The following NAV3 variants were observed in gnomAD, a reference collection of about 807,000 sequenced individuals.
NAV3 encodes neuron navigator 3.
A neutral mutation model predicts 244.7 loss-of-function variants in NAV3; 87 were observed. That is an observed-to-expected ratio of 0.36 (90% CI 0.30 to 0.42). The LOEUF (loss-of-function observed/expected upper bound fraction) is 0.42. Among genes scored for constraint, NAV3 ranks in the 20% least tolerant of loss-of-function variants. The pLI is 1.00. For missense variants in NAV3, 2,663 were observed against 2,893.3 expected (o/e 0.92, Z 1.83); for synonymous variants, 1,126 against 1,042.2 (o/e 1.08, Z -1.55).
rs1302793635 is a variant in NAV3, at chr12:77,927,033, TTGAA to T, written c.244-13283_244-13280del. Among the ~76,000 whole-genome samples the T allele has an allele frequency of 5.9e-5, 9 of 152,346 alleles. No individual in the cohort carries two copies. The East Asian group carries it at 1.5e-3, about 26-fold the overall frequency. On this transcript the variant is annotated intron_variant, in intron 1 of 39. Coordinates refer to ENST00000397909, the MANE Select transcript of NAV3 (RefSeq NM_001024383.2). ...TTGGAGGATGGTAGCTGATTTTACT[TTGAA>T]TGTACTTGCACAATTTACATCAATT...
intron 23 of NAV3, among the ~76,000 whole-genome samples, chr12:78,166,661 A>T (rs1957793110): frequency 6.6e-6 from 1 of 151,804 alleles, no homozygotes; most frequent in African/African-American, 2.4e-5. Context: ...TTAGAAAGTG[A>T]TCATTTTTCT....
chr12:78,070,268 A>G (rs1474182030), intron 12 of NAV3, among the ~76,000 whole-genome samples: 4 of 152,112 alleles, frequency 2.6e-5, no homozygotes, highest in Admixed American at 2.6e-4. Flanking sequence ...TAATTCCCAT[A>G]ACAACCTTCT....
intron 12 of NAV3, among the ~76,000 whole-genome samples, chr12:78,093,079 C>T (rs1316071195): frequency 6.6e-6 from 1 of 152,142 alleles, no homozygotes; most frequent in Non-Finnish European, 1.5e-5. Context: ...GACCTGTATG[C>T]ACCTAGCAAA....
intron 2 of NAV3, among the ~76,000 whole-genome samples, chr12:77,625,377 T>G (rs961963497): frequency 6.6e-5 from 10 of 152,142 alleles, no homozygotes; most frequent in Non-Finnish European, 8.8e-5. Flanking sequence ...AAAATATATA[T>G]GAAAATACTT....
chr12:77,580,247 C>G (rs183896071), intron 2 of NAV3, among the ~76,000 whole-genome samples: 2 of 117,152 alleles, frequency 1.7e-5, no homozygotes, highest in Non-Finnish European at 3.9e-5. Flanking sequence ...CACACACACA[C>G]ACACACACAC....
chr12:77,845,740 G>A (rs889892329), intron 1 of NAV3, among the ~76,000 whole-genome samples: 64 of 145,654 alleles, frequency 4.4e-4, no homozygotes, highest in African/African-American at 1.5e-3. Flanking sequence ...TGCAACATCC[G>A]CCTCCTGGGT....
chr12:77,821,611 G>T (rs1872748269), intron 2 of NAV3, among the ~76,000 whole-genome samples: 1 of 152,058 alleles, frequency 6.6e-6, no homozygotes, highest in Admixed American at 6.6e-5. Flanking sequence ...TGAATGGCTT[G>T]GCTTTGGTGT....
At chr12:78,029,473 A>C (rs999669883) in intron 9 of NAV3, among the ~76,000 whole-genome samples, 7 of 152,318 alleles carry the variant, frequency 4.6e-5, no homozygotes, top group Admixed American at 4.6e-4. Flanking sequence ...CCAGTTGATA[A>C]AAATCAGAGA....
chr12:77,867,586 A>T (rs936096604), intron 1 of NAV3, among the ~76,000 whole-genome samples: 1 of 151,940 alleles, frequency 6.6e-6, no homozygotes, highest in East Asian at 1.9e-4. Context: ...CGCCCGGCTA[A>T]TTTTTTTGCA....
At chr12:78,057,500 A>G (rs1301738538) in intron 11 of NAV3, among the ~76,000 whole-genome samples, 2 of 152,176 alleles carry the variant, frequency 1.3e-5, no homozygotes, top group Non-Finnish European at 2.9e-5. Flanking sequence ...ACAGATTCCT[A>G]ATCTTAATGC....
chr12:77,948,052 A>T (rs1890525740), intron 3 of NAV3, among the ~76,000 whole-genome samples: 1 of 151,838 alleles, frequency 6.6e-6, no homozygotes, highest in Non-Finnish European at 1.5e-5. Context: ...GTCAATTGGA[A>T]CTCTGATTTG....
intron 9 of NAV3, among the ~76,000 whole-genome samples, chr12:78,023,291 T>C (rs920643267): frequency 1.3e-5 from 2 of 152,130 alleles, no homozygotes; most frequent in African/African-American, 4.8e-5. Flanking sequence ...TAGTCTGTAT[T>C]TGATGTTTTT....
In NAV3 at chr12:77,949,826, T is replaced by A. The variant is rs114720925; in HGVS notation, c.414+8693T>A. Among the ~76,000 whole-genome samples, 559 of 152,182 alleles carry A rather than the reference T, an allele frequency of 3.7e-3. 3 individuals are homozygous for A. The highest frequency in any genetic ancestry group is 0.013 in the African/African-American group (534 of 41,548). ...AGAAGTTTTACTGCCCTACACATCC[T>A]CTGTGCTCCAACCCCTGGGAACCAG... On this transcript the variant is annotated intron_variant, in intron 3 of 39. Transcript: ENST00000397909.
intron 1 of NAV3, among the ~76,000 whole-genome samples, chr12:77,920,048 T>C (rs944131851): frequency 3.9e-5 from 6 of 152,096 alleles, no homozygotes; most frequent in African/African-American, 1.4e-4. Flanking sequence ...ACGTGAAATA[T>C]AGCATGGTGT....
chr12:78,026,146 G>A (rs1301499191), intron 9 of NAV3, among the ~76,000 whole-genome samples: 1 of 151,986 alleles, frequency 6.6e-6, no homozygotes, highest in African/African-American at 2.4e-5. Flanking sequence ...ACCTATAAAT[G>A]TGATTTAATA....
intron 2 of NAV3, among the ~76,000 whole-genome samples, chr12:77,739,011 CAAAAAAAAAAAAAA>C (rs1168641355): frequency 1.6e-5 from 1 of 64,068 alleles, no homozygotes; most frequent in African/African-American, 6.8e-5. Flanking sequence ...GACTCCGTCT[CAAAAAAAAAAAAAA>C]AAAAAAAAAA....
intron 2 of NAV3, among the ~76,000 whole-genome samples, chr12:77,619,395 C>T (rs1871273622): frequency 6.6e-6 from 1 of 152,224 alleles, no homozygotes; most frequent in Non-Finnish European, 1.5e-5. Context: ...ATCTTTTCTA[C>T]TGTCCCTTTG....
At chr12:78,091,795 C>CAAAAAAAAAAAAAAAAAAAAAAAAAAAAA (rs57863867) in intron 12 of NAV3, 2 of 103,850 alleles carry the variant, frequency 1.9e-5, no homozygotes, top group Non-Finnish European at 1.9e-5. Flanking sequence ...GACTCCGTCT[C>CAAAAAAAAAAAAAAAAAAAAAAAAAAAAA]AAAAAAAAAA....
chr12:78,064,345 G>A (rs1018453737), intron 12 of NAV3, among the ~76,000 whole-genome samples: 2 of 151,956 alleles, frequency 1.3e-5, no homozygotes, highest in African/African-American at 4.8e-5. Flanking sequence ...GTTTCATGCT[G>A]TATTCTCACA....
Sources: gnomAD v4.1 joint callset for allele counts (sites outside exome capture counted in the v4.1 genomes callset) on GRCh38, gnomAD v4.1.1 for gene constraint, MANE v1.5 for transcripts, NCBI Gene and HGNC (gene_info 2026-07-23, HGNC 2026-07-21) for gene names.